Variants in CATSPERD observed in about 807,000 individuals in gnomAD.
The protein encoded by CATSPERD is catsper channel auxiliary subunit delta.
A neutral mutation model predicts 98.1 loss-of-function variants in CATSPERD; 86 were observed. The observed-to-expected ratio is 0.88, with a 90% CI of 0.74 to 1.05. The LOEUF (loss-of-function observed/expected upper bound fraction) is 1.05. Among genes scored for constraint, CATSPERD ranks in the 50% least tolerant of loss-of-function variants. The pLI is 0.00. For synonymous variants in CATSPERD, 394 were observed against 390.2 expected (o/e 1.01, Z -0.12); for missense variants, 995 against 1,005.7 (o/e 0.99, Z 0.14).
chr19:5,729,508 TAA>T (rs1222613768), intron 3 of CATSPERD, among the ~76,000 whole-genome samples: 1 of 152,218 alleles, frequency 6.6e-6, no homozygotes, highest in African/African-American at 2.4e-5. Flanking sequence ...TTTTCCTATT[TAA>T]AAGTTTCCCA....
chr19:5,768,971 T>A (rs1036672054), intron 18 of CATSPERD, among the ~76,000 whole-genome samples: 1 of 151,802 alleles, frequency 6.6e-6, no homozygotes, highest in African/African-American at 2.4e-5. Context: ...CTGGCCAACA[T>A]GGCAAAACCC....
intron 13 of CATSPERD, among the ~76,000 whole-genome samples, chr19:5,755,389 T>C (rs1481189251): frequency 6.6e-6 from 1 of 152,146 alleles, no homozygotes; most frequent in Non-Finnish European, 1.5e-5. Flanking sequence ...AAATATTGAG[T>C]ATACAAAAAC....
intron 5 of CATSPERD, among the ~76,000 whole-genome samples, chr19:5,736,035 C>T (rs1234716272): frequency 1.3e-5 from 2 of 151,936 alleles, no homozygotes; most frequent in African/African-American, 2.4e-5. Context: ...CTTCAGCCTC[C>T]CAAAGTGCTG....
intron 16 of CATSPERD, 122 bp downstream of exon 16, chr19:5,763,415 A>G: frequency 1.4e-6 from 1 of 698,998 alleles, no homozygotes; most frequent in South Asian, 1.9e-5. Flanking sequence ...GGTGCAAGAG[A>G]GTGAAACTCT....
intron 16 of CATSPERD, 63 bp downstream of exon 16, chr19:5,763,356 G>A (rs1211413152): frequency 1.9e-5 from 26 of 1,379,740 alleles, no homozygotes; most frequent in Non-Finnish European, 2.6e-5. Flanking sequence ...CATGGAAGCT[G>A]GCCCTGAGGT....
At chr19:5,771,212 G>A in intron 19 of CATSPERD, 140 bp downstream of exon 19, 1 of 976,102 alleles carries the variant, frequency 1.0e-6, no homozygotes, top group Non-Finnish European at 1.5e-6. Context: ...CCGTGCTCCT[G>A]CCCCAGCCCC....
In CATSPERD at chr19:5,745,978, G is replaced by A. The variant is rs745546371; in HGVS notation, c.723G>A (p.Gly241=). The A allele has an allele frequency of 3.1e-6, 5 of 1,613,956 alleles. No homozygotes were observed. Among genetic ancestry groups the A allele is most frequent in the Non-Finnish European group, 4.2e-6 (5 of 1,180,012 alleles). Residue 241 remains glycine, a synonymous_variant, in exon 9 of 22, where the codon GGG becomes GGA. Coordinates refer to ENST00000381624, the MANE Select transcript of CATSPERD (RefSeq NM_152784.4). The part of the protein sequence containing the change: ...RSFGLSFDYN[G]TLDILIAPGQ... ...TCGGGCTGTCTTTTGACTATAATGG[G>A]ACTCTAGACATCCTCATCGCCCCCG...
intron 16 of CATSPERD, among the ~76,000 whole-genome samples, chr19:5,764,858 G>A (rs1164581200): frequency 6.6e-6 from 1 of 151,810 alleles, no homozygotes; most frequent in Non-Finnish European, 1.5e-5. Flanking sequence ...CAGGCAATTT[G>A]CCCGCCTTGG....
chr19:5,768,096 T>C, intron 17 of CATSPERD, 72 bp from the exon 18 acceptor site: 1 of 1,406,742 alleles, frequency 7.1e-7, no homozygotes, highest in Non-Finnish European at 1.0e-6. Context: ...GCCCCTCCCT[T>C]TCTGTCCCAT....
chr19:5,761,757 C>A (rs1202203266), intron 15 of CATSPERD, among the ~76,000 whole-genome samples: 1 of 150,614 alleles, frequency 6.6e-6, no homozygotes, highest in African/African-American at 2.4e-5. Context: ...AGCTGGAGTG[C>A]AATGGCACGA....
intron 6 of CATSPERD, among the ~76,000 whole-genome samples, chr19:5,739,026 C>T (rs773513368): frequency 6.6e-6 from 1 of 151,968 alleles, no homozygotes; most frequent in Non-Finnish European, 1.5e-5. Context: ...CCACGCCCAG[C>T]CTAACTTTGG....
chr19:5,748,286 A>G, intron 10 of CATSPERD, 31 bp downstream of exon 10: 1 of 1,588,380 alleles, frequency 6.3e-7, no homozygotes, highest in Non-Finnish European at 8.6e-7. Context: ...TAGCCAAGAA[A>G]TATTTAGACC....
chr19:5,772,886 C>G lies in CATSPERD; in HGVS notation c.1862C>G (p.Ser621Trp), dbSNP rs78536254. 1 of 1,613,972 alleles carries G rather than the reference C, an allele frequency of 6.2e-7. No individual in the cohort carries two copies. The highest frequency in any genetic ancestry group is 1.3e-5 in the African/African-American group (1 of 74,992). Residue 621 changes from serine (S) to tryptophan (W), a missense_variant, in exon 20 of 22, where the codon TCG becomes TGG. Around this residue, in one of 3 missense-constraint regions of CATSPERD, gnomAD observed 762 missense variants for 773.7 expected, o/e 0.98. Transcript: ENST00000381624. Reference sequence around the variant, plus strand: ...TACTCCTATTCCCTGACGGCCCAGTCGGCCATGTGTACCTCCCAGCCGCAG... The same window carrying G: ...TACTCCTATTCCCTGACGGCCCAGTGGGCCATGTGTACCTCCCAGCCGCAG... ...FSYSYSLTAQSAMCTSQPQNW... is the reference protein window; with the variant it reads ...FSYSYSLTAQWAMCTSQPQNW...
chr19:5,728,384 A>C (rs949627582), intron 3 of CATSPERD, among the ~76,000 whole-genome samples: 4 of 150,438 alleles, frequency 2.7e-5, no homozygotes, highest in Non-Finnish European at 4.4e-5. Context: ...AGAAAAAGAA[A>C]AGAAAAGAAA....
chr19:5,722,915 G>A (rs1047697888), intron 1 of CATSPERD, among the ~76,000 whole-genome samples: 5 of 152,044 alleles, frequency 3.3e-5, no homozygotes, highest in African/African-American at 4.8e-5. Flanking sequence ...TTGGCCGGGC[G>A]CGGGGGCTCA....
chr19:5,727,037 T>C (rs891518375), intron 2 of CATSPERD, among the ~76,000 whole-genome samples: 4 of 151,604 alleles, frequency 2.6e-5, no homozygotes, highest in African/African-American at 9.7e-5. Context: ...ACAAAAAAAA[T>C]AGAAAAAACC....
intron 21 of CATSPERD, 132 bp from the exon 22 acceptor site, chr19:5,778,244 G>A (rs1278264716): frequency 1.6e-6 from 1 of 629,088 alleles, no homozygotes. Context: ...GATGGAAACA[G>A]AAGTGGGTAT....
intron 3 of CATSPERD, among the ~76,000 whole-genome samples, chr19:5,727,698 T>C (rs1328478702): frequency 6.6e-6 from 1 of 152,098 alleles, no homozygotes; most frequent in Admixed American, 6.6e-5. Context: ...AGCAACCAGA[T>C]GTGTATGGGC....
intron 5 of CATSPERD, 47 bp downstream of exon 5, chr19:5,734,017 T>G (rs746388786): frequency 8.8e-7 from 1 of 1,134,070 alleles, no homozygotes; most frequent in Non-Finnish European, 1.3e-6. Context: ...GTAGTCAACA[T>G]GAGAGAAGAG....
Sources: gnomAD v4.1 joint callset for allele counts (sites outside exome capture counted in the v4.1 genomes callset) on GRCh38, gnomAD v4.1.1 for gene constraint, gnomAD v4.1.1 regional missense constraint, MANE v1.5 for transcripts, NCBI Gene and HGNC (gene_info 2026-07-23, HGNC 2026-07-21) for gene names.